The following ZC2HC1B variants were observed in gnomAD, a reference collection of about 807,000 sequenced individuals.
The protein encoded by ZC2HC1B is zinc finger C2HC-type containing 1B, also known as zinc finger C2HC domain-containing protein 1B.
In ZC2HC1B, 36 loss-of-function variants were observed where a neutral mutation model predicts 31.0. The ratio of observed to expected loss-of-function variants is 1.16; its 90% CI spans 0.89 to 1.54. The LOEUF is 1.54. ZC2HC1B is among the 40% of genes most tolerant of loss of function. The probability of loss-of-function intolerance (pLI) is 0.00; values close to 1 mark genes in which losing one functional copy is unlikely to be tolerated. For synonymous variants in ZC2HC1B, 73 were observed against 88.0 expected (o/e 0.83, Z 0.95); for missense variants, 260 against 268.6 (o/e 0.97, Z 0.22).
In ZC2HC1B at chr6:143,915,451, G is replaced by A. The variant is rs558338373; in HGVS notation, c.598+12299G>A. 6.6e-6 allele frequency among the ~76,000 whole-genome samples: 1 copy of A among 152,316 alleles called. No homozygotes were observed. The highest frequency in any genetic ancestry group is 2.4e-5 in the African/African-American group (1 of 41,572). ...AGTAAATTGGTACCAGTAGAGTGGG[G>A]CGCTGCTGAAAAGATATCTGAAAAT... On this transcript the variant is annotated intron_variant, in intron 6 of 7. Coordinates refer to ENST00000237275, the MANE Select transcript of ZC2HC1B (RefSeq NM_001013623.3). This position sits in a 1 kb window ranked among gnomAD's most constrained non-coding sequence, Gnocchi z 5.2.
At chr6:143,874,763 G>C (rs9496790) in intron 1 of ZC2HC1B, among the ~76,000 whole-genome samples, 1 of 152,136 alleles carries the variant, frequency 6.6e-6, no homozygotes, top group Non-Finnish European at 1.5e-5. Flanking sequence ...GTAATTCTCA[G>C]AGATACAATT....
Position 143,886,699 on chromosome 6 carries a change from A to G in ZC2HC1B, c.227A>G (p.Lys76Arg), listed in dbSNP as rs1468790887. The G allele has an allele frequency of 9.7e-6, 15 of 1,542,868 alleles. No homozygotes were observed. The South Asian group carries it at 1.7e-4, about 17-fold the overall frequency. Residue 76 changes from lysine (K) to arginine (R), a missense_variant, in exon 4 of 8, where the codon AAG (lysine) becomes AGG (arginine). Transcript: ENST00000237275. This position sits in a 1 kb window ranked among gnomAD's most constrained non-coding sequence, Gnocchi z 4.2. Reference protein sequence around the residue: ...TPQSKSPPVRKSNWRQQHEDF... With the variant: ...TPQSKSPPVRRSNWRQQHEDF... ...TTTTTACAGTCTCCACCTGTGAGGAAGTCTAACTGGAGACAACAACATGAA... is the reference window on the plus strand; with the variant it reads ...TTTTTACAGTCTCCACCTGTGAGGAGGTCTAACTGGAGACAACAACATGAA...
intron 6 of ZC2HC1B, among the ~76,000 whole-genome samples, chr6:143,927,119 A>T (rs2128497500): frequency 6.6e-6 from 1 of 151,940 alleles, no homozygotes. Flanking sequence ...TTCTTACCGA[A>T]CGAATCCCTT....
At chr6:143,927,351 T>C (rs1026852030) in intron 6 of ZC2HC1B, among the ~76,000 whole-genome samples, 2 of 152,182 alleles carry the variant, frequency 1.3e-5, no homozygotes, top group African/African-American at 4.8e-5. Flanking sequence ...CCAATCTGTA[T>C]GTCCATGTGT....
intron 6 of ZC2HC1B, among the ~76,000 whole-genome samples, chr6:143,930,126 C>T (rs532079291): frequency 2.6e-5 from 4 of 152,016 alleles, no homozygotes; most frequent in Admixed American, 1.3e-4. Flanking sequence ...TTCTTTTCTT[C>T]TGCTAGCTTT....
At chr6:143,891,015 C>T (rs996782249) in intron 4 of ZC2HC1B, among the ~76,000 whole-genome samples, 3 of 151,162 alleles carry the variant, frequency 2.0e-5, no homozygotes, top group Non-Finnish European at 4.4e-5. Flanking sequence ...CCTGTAATCC[C>T]AGTTACTCGG....
rs1777888358 is a variant in ZC2HC1B, at chr6:143,913,805, A to C, written c.598+10653A>C. ...TGGGGGTGGGTGTTTCCTTGGCTCC[A>C]TGTCACTCCTGGTGGGCCATTGCGC... On this transcript the variant is annotated intron_variant, in intron 6 of 7. Coordinates refer to ENST00000237275, the MANE Select transcript of ZC2HC1B (RefSeq NM_001013623.3). This position sits in a 1 kb window ranked among gnomAD's most constrained non-coding sequence, Gnocchi z 5.7. 6.6e-6 allele frequency among the ~76,000 whole-genome samples: 1 copy of C among 152,094 alleles called. No individual in the cohort carries two copies. The highest frequency in any genetic ancestry group is 1.5e-5 in the Non-Finnish European group (1 of 68,012).
At position 143,917,539 on chromosome 6, in the gene ZC2HC1B, AG is replaced by A. The variant is rs1337101538; in HGVS notation, c.598+14388del. On this transcript the variant is annotated intron_variant, in intron 6 of 7. Coordinates refer to ENST00000237275, the MANE Select transcript of ZC2HC1B (RefSeq NM_001013623.3). The surrounding 1 kb of genome is among the most constrained non-coding windows in gnomAD (Gnocchi z 4.1). ...CATAACATACAATAACTGCTCCTTC[AG>A]CAATGTCTTTTCCACCCATTTTGTT... 6.6e-6 allele frequency among the ~76,000 whole-genome samples: 1 copy of A among 152,180 alleles called. No homozygotes were observed. Among genetic ancestry groups the A allele is most frequent in the African/African-American group, 2.4e-5 (1 of 41,448 alleles).
intron 1 of ZC2HC1B, among the ~76,000 whole-genome samples, chr6:143,875,354 T>A (rs974533408): frequency 2.0e-5 from 3 of 151,430 alleles, no homozygotes; most frequent in Non-Finnish European, 4.4e-5. Flanking sequence ...ATTATGCCTT[T>A]GGATCCCTTC....
At chr6:143,877,782 G>T (rs1045472056) in intron 1 of ZC2HC1B, among the ~76,000 whole-genome samples, 7 of 150,398 alleles carry the variant, frequency 4.7e-5, no homozygotes, top group Admixed American at 4.0e-4. Flanking sequence ...AGGGTGGTCT[G>T]AGTGAGCTGT....
Position 143,865,722 on chromosome 6 carries a change from G to T in ZC2HC1B, c.28+1155G>T, listed in dbSNP as rs1326425632. On this transcript the variant is annotated intron_variant, in intron 1 of 7. Transcript: ENST00000237275. This position sits in a 1 kb window ranked among gnomAD's most constrained non-coding sequence, Gnocchi z 4.4. ...AGATTTCAGAAAAGAATTAAACATA[G>T]AACCATAGCAGGGCCTAGAATCACT... 6.6e-6 allele frequency among the ~76,000 whole-genome samples: 1 copy of T among 152,064 alleles called. No individual in the cohort carries two copies. The highest frequency in any genetic ancestry group is 6.6e-5 in the Admixed American group (1 of 15,266).
chr6:143,867,119 A>G (rs1244149347), intron 1 of ZC2HC1B, among the ~76,000 whole-genome samples: 4 of 152,228 alleles, frequency 2.6e-5, no homozygotes, highest in Non-Finnish European at 5.9e-5. Context: ...TACGAAATAA[A>G]GTGTTTAGAC....
intron 5 of ZC2HC1B, among the ~76,000 whole-genome samples, chr6:143,902,499 G>C (rs1777748490): frequency 6.6e-6 from 1 of 152,074 alleles, no homozygotes; most frequent in Non-Finnish European, 1.5e-5. Flanking sequence ...GGTGGGATCA[G>C]TGGCAAGATA....
chr6:143,901,685 T>C (rs922610124), intron 5 of ZC2HC1B, among the ~76,000 whole-genome samples: 4 of 152,208 alleles, frequency 2.6e-5, no homozygotes, highest in Non-Finnish European at 5.9e-5. Flanking sequence ...GGGGGACTTA[T>C]AGATAAGTGA....
At chr6:143,910,325 CA>C (rs1777842736) in intron 6 of ZC2HC1B, among the ~76,000 whole-genome samples, 1 of 152,140 alleles carries the variant, frequency 6.6e-6, no homozygotes, top group African/African-American at 2.4e-5. Flanking sequence ...TGTGGTCTGA[CA>C]GACTGGTTGT....
intron 6 of ZC2HC1B, 151 bp from the exon 7 acceptor site, chr6:143,937,498 C>CA: frequency 8.7e-6 from 5 of 572,582 alleles, no homozygotes; most frequent in African/African-American, 2.0e-5. Context: ...ACCCCACCCT[C>CA]ATTGCCCTCC....
At chr6:143,936,332 A>G (rs1459817710) in intron 6 of ZC2HC1B, among the ~76,000 whole-genome samples, 1 of 152,226 alleles carries the variant, frequency 6.6e-6, no homozygotes, top group Non-Finnish European at 1.5e-5. Context: ...TCTCTATTTT[A>G]CAGATGAGGA....
intron 6 of ZC2HC1B, among the ~76,000 whole-genome samples, chr6:143,919,910 CTCT>C: frequency 6.6e-6 from 1 of 152,268 alleles, no homozygotes; most frequent in African/African-American, 2.4e-5. Flanking sequence ...GTGCTTCCTA[CTCT>C]TCTATCTTTC....
intron 4 of ZC2HC1B, among the ~76,000 whole-genome samples, chr6:143,891,768 A>G (rs1427567926): frequency 6.6e-6 from 1 of 152,164 alleles, no homozygotes; most frequent in African/African-American, 2.4e-5. Context: ...TGGAACTGGA[A>G]AGGATCTGGA....
Sources: allele counts gnomAD v4.1 joint callset (sites outside exome capture counted in the v4.1 genomes callset), GRCh38; gene constraint gnomAD v4.1.1; non-coding constraint Gnocchi (gnomAD v3.1); transcripts MANE v1.5; gene names NCBI Gene and HGNC (gene_info 2026-07-23, HGNC 2026-07-21).